The following ZFP90 variants were observed in gnomAD, a reference collection of about 807,000 sequenced individuals.
The protein encoded by ZFP90 is ZFP90 zinc finger protein.
Under a neutral mutation model 60.8 loss-of-function variants are expected in ZFP90, and 38 were observed. The observed-to-expected ratio is 0.62, with a 90% CI of 0.48 to 0.82. ZFP90 has a LOEUF of 0.82. Ranked by LOEUF, ZFP90 falls within the 40% of genes least tolerant of loss-of-function variation. The pLI is 0.00. For missense variants in ZFP90, 711 were observed against 759.1 expected (o/e 0.94, Z 0.74); for synonymous variants, 287 against 264.8 (o/e 1.08, Z -0.82).
chr16:68,554,990 G>C (rs2091321107), intron 2 of ZFP90: 1 of 152,126 alleles, frequency 6.6e-6, no homozygotes, highest in East Asian at 1.9e-4. Context: ...ATCCTTGCTG[G>C]CCATGCCTCT....
At chr16:68,537,889 C>T (rs2090973795), upstream of ZFP90, among the ~76,000 whole-genome samples, 1 of 149,526 alleles carries the variant, frequency 6.7e-6, no homozygotes, top group South Asian at 2.1e-4. Context: ...GACAAGCCAA[C>T]AGTGATGGAA....
downstream of ZFP90, among the ~76,000 whole-genome samples, chr16:68,568,186 T>C (rs1023103045): frequency 6.6e-6 from 1 of 152,252 alleles, no homozygotes; most frequent in African/African-American, 2.4e-5. Flanking sequence ...ATGTCTGTTT[T>C]GATAGCTCTT....
At position 68,539,914 on chromosome 16, in the gene ZFP90, C is replaced by A. The variant is rs376504895; in HGVS notation, c.33+89C>A. The A allele has an allele frequency of 6.2e-5, 93 of 1,500,360 alleles. 1 individual carries two copies. Among genetic ancestry groups the A allele is most frequent in the African/African-American group, 5.1e-4 (37 of 72,198 alleles). 92.9% of individuals were successfully genotyped at this position (1,500,360 alleles called of 1,614,324 possible). A position where few individuals can be genotyped will look rare whatever the true frequency, so the allele number is the denominator to read the frequency against. On this transcript the variant is annotated intron_variant, in intron 2 of 4. Coordinates refer to ENST00000563169, the MANE Select transcript of ZFP90 (RefSeq NM_001305203.2). ...TGTTTGGAGCAGTCATTGTTCTCTG[C>A]CTGGCGACTCCCTTACTTGCTTGGC...
rs1362256510 is a variant in ZFP90, at chr16:68,563,502, T to C, written c.715T>C (p.Phe239Leu). ...HEKTHKGEGA[F>L]PNGTDQGIYP... Reference sequence around the variant, plus strand: ...GAAAACACATAAAGGAGAGGGAGCTTTCCCTAATGGAACAGATCAAGGAAT... The same window carrying C: ...GAAAACACATAAAGGAGAGGGAGCTCTCCCTAATGGAACAGATCAAGGAAT... Residue 239 changes from phenylalanine to leucine, a missense_variant, in exon 5 of 5, where the codon TTC becomes CTC. Phe to Leu is a conservative substitution (Grantham distance 22). This residue lies in a region of ZFP90 where 241 missense variants were observed against 247.6 expected (regional missense o/e 0.97). Coordinates refer to ENST00000563169, the MANE Select transcript of ZFP90 (RefSeq NM_001305203.2). The C allele has an allele frequency of 1.2e-6, 2 of 1,614,068 alleles. No homozygotes were observed. Among genetic ancestry groups the C allele is most frequent in the Non-Finnish European group, 1.7e-6 (2 of 1,180,032 alleles).
At chr16:68,533,847 C>T (rs918249843) in exon 2 of ZFP90, 1 of 152,100 alleles carries the variant, frequency 6.6e-6, no homozygotes, top group African/African-American at 2.4e-5. Flanking sequence ...AATTTTCATT[C>T]CTTCAAAGGT....
At position 68,566,388 on chromosome 16, in the gene ZFP90, C is replaced by T. The variant is rs777027507; in HGVS notation, c.*1690C>T. 3.5e-5 allele frequency: 34 copies of T among 985,406 alleles called. No individual in the cohort carries two copies. The highest frequency in any genetic ancestry group is 4.7e-5 in the South Asian group (1 of 21,288). 61.0% of individuals were successfully genotyped at this position (985,406 alleles called of 1,614,324 possible). A position where few individuals can be genotyped will look rare whatever the true frequency, so the allele number is the denominator to read the frequency against. On this transcript the variant is annotated 3_prime_UTR_variant, in exon 5 of 5. Coordinates refer to ENST00000563169, the MANE Select transcript of ZFP90 (RefSeq NM_001305203.2). ...ATGAATCATGGGGCAAGATATTGGT[C>T]GTATTGATGGTGAACCTTTCCTACT... is the stretch of plus-strand genomic sequence containing the variant.
intron 2 of ZFP90, 150 bp downstream of exon 2, chr16:68,539,975 C>G: frequency 8.4e-7 from 1 of 1,187,680 alleles, no homozygotes; most frequent in Non-Finnish European, 1.2e-6. Flanking sequence ...AAACCCCAGG[C>G]TTTGGGGAGC....
chr16:68,567,718 G>C (rs1340695459), downstream of ZFP90, among the ~76,000 whole-genome samples: 1 of 152,178 alleles, frequency 6.6e-6, no homozygotes, highest in Non-Finnish European at 1.5e-5. Flanking sequence ...CTCCCCATCA[G>C]TCCAACAGTT....
At position 68,566,094 on chromosome 16, in the gene ZFP90, C is replaced by T. The variant is rs1338155846; in HGVS notation, c.*1396C>T. 2.0e-6 allele frequency: 2 copies of T among 981,372 alleles called. No individual in the cohort carries two copies. Among genetic ancestry groups the T allele is most frequent in the African/African-American group, 1.8e-5 (1 of 56,878 alleles). The allele number at this position is 981,372 out of a possible 1,614,324, so 60.8% of individuals were successfully genotyped here. ...ACTGCAGTGAGCTGAGATCACACTA[C>T]TGCATTCCAGCCTGAGCAACAGAGC... is the stretch of plus-strand genomic sequence containing the variant. On this transcript the variant is annotated 3_prime_UTR_variant, in exon 5 of 5. Coordinates refer to ENST00000563169, the MANE Select transcript of ZFP90 (RefSeq NM_001305203.2).
At position 68,565,064 on chromosome 16, in the gene ZFP90, A is replaced by G. The variant is rs1229357720; in HGVS notation, c.*366A>G. On this transcript the variant is annotated 3_prime_UTR_variant, in exon 5 of 5. Transcript: ENST00000563169. Reference sequence around the variant, plus strand: ...ATTCCTGCAGTAATGACCAAAACCCATTTTAAAAATTGCTTGACAACTGCA... The same window carrying G: ...ATTCCTGCAGTAATGACCAAAACCCGTTTTAAAAATTGCTTGACAACTGCA... 2 of 1,001,414 alleles carry G rather than the reference A, an allele frequency of 2.0e-6. No individual in the cohort carries two copies. Among genetic ancestry groups the G allele is most frequent in the Admixed American group, 1.1e-4 (2 of 17,634 alleles). The allele number at this position is 1,001,414 out of a possible 1,614,324, so 62.0% of individuals were successfully genotyped here.
intron 2 of ZFP90, among the ~76,000 whole-genome samples, chr16:68,572,442 A>G (rs973157940): frequency 6.6e-6 from 1 of 152,226 alleles, no homozygotes; most frequent in Non-Finnish European, 1.5e-5. Context: ...TAAAGCTCCT[A>G]AGGTGAAAAC....
exon 3 of ZFP90, chr16:68,576,040 TAAAAAA>T: frequency 3.6e-6 from 1 of 276,252 alleles, no homozygotes; most frequent in Non-Finnish European, 6.5e-6. Flanking sequence ...AACATTTATT[TAAAAAA>T]AAAAAAAAAA....
intron 2 of ZFP90, 112 bp from the exon 3 acceptor site, chr16:68,557,886 A>G (rs1005462270): frequency 1.1e-5 from 16 of 1,437,356 alleles, no homozygotes; most frequent in South Asian, 3.5e-5. Context: ...TGCCTCCTCA[A>G]TCTAACAAAT....
intron 4 of ZFP90, among the ~76,000 whole-genome samples, chr16:68,559,636 C>G (rs1390711664): frequency 6.6e-6 from 1 of 151,748 alleles, no homozygotes; most frequent in African/African-American, 2.4e-5. Context: ...GGTGTGATCT[C>G]GGCTCACTGC....
chr16:68,549,893 T>A, intron 2 of ZFP90, among the ~76,000 whole-genome samples: 1 of 151,968 alleles, frequency 6.6e-6, no homozygotes, highest in East Asian at 1.9e-4. Flanking sequence ...ATGGTCAGAA[T>A]AGGATGTATA....
chr16:68,534,998 T>C (rs1254901734), upstream of ZFP90, among the ~76,000 whole-genome samples: 1 of 152,232 alleles, frequency 6.6e-6, no homozygotes, highest in African/African-American at 2.4e-5. Flanking sequence ...GAGGTTGTTA[T>C]GAATATTATA....
intron 2 of ZFP90, chr16:68,533,887 GATC>G (rs1284453928): frequency 3.3e-5 from 5 of 152,144 alleles, no homozygotes; most frequent in African/African-American, 1.2e-4. Context: ...GGATTTTAAA[GATC>G]ATCTTTGGTG....
At chr16:68,557,144 T>A (rs1355990645) in intron 2 of ZFP90, 1 of 453,132 alleles carries the variant, frequency 2.2e-6, no homozygotes, top group Non-Finnish European at 4.4e-6. Flanking sequence ...CACACCACCA[T>A]GCCAGGCTAA....
Position 68,564,637 on chromosome 16 carries a change from A to G in ZFP90, c.1850A>G (p.Asn617Ser). 6.2e-7 allele frequency: 1 copy of G among 1,614,040 alleles called. No individual in the cohort carries two copies. Among genetic ancestry groups the G allele is most frequent in the Non-Finnish European group, 8.5e-7 (1 of 1,179,966 alleles). ...KPYSCKECGK[N>S]FSRSSALTKH... is the part of the protein sequence containing the mutation. ...TATTCTTGTAAGGAATGTGGGAAAA[A>G]CTTCAGCCGAAGTTCAGCTCTTACT... is the stretch of plus-strand genomic sequence containing the variant. The change falls in exon 5 of 5, where the codon AAC becomes AGC. Residue 617 changes from asparagine (N) to serine (S), a missense_variant. Physicochemically the swap from Asn to Ser is conservative, Grantham distance 46. This residue lies in a region of ZFP90 where 295 missense variants were observed against 274.0 expected (regional missense o/e 1.08). Coordinates refer to ENST00000563169, the MANE Select transcript of ZFP90 (RefSeq NM_001305203.2).
Sources: allele counts gnomAD v4.1 joint callset (sites outside exome capture counted in the v4.1 genomes callset), GRCh38; gene constraint gnomAD v4.1.1; regional missense constraint gnomAD v4.1.1; transcripts MANE v1.5; gene names NCBI Gene and HGNC (gene_info 2026-07-23, HGNC 2026-07-21).